Variants in SEC23B observed in about 807,000 individuals in gnomAD.
SEC23B encodes SEC23 homolog B, COPII component.
SEC23B carries 77 observed loss-of-function variants against 104.3 expected under a neutral mutation model. That is an observed-to-expected ratio of 0.74 (90% CI 0.61 to 0.89). The LOEUF (loss-of-function observed/expected upper bound fraction) is 0.89. Among genes scored for constraint, SEC23B ranks in the 40% least tolerant of loss-of-function variants. The pLI, the probability that SEC23B is intolerant of heterozygous loss-of-function variation, is 0.00. For missense variants in SEC23B, 885 were observed against 949.4 expected, an observed-to-expected ratio of 0.93 and a Z score of 0.89; for synonymous variants, 338 against 332.5, an observed-to-expected ratio of 1.02 and a Z score of -0.18.
intron 16 of SEC23B, among the ~76,000 whole-genome samples, chr20:18,549,342 T>C (rs1466840914): frequency 6.6e-6 from 1 of 152,146 alleles, no homozygotes; most frequent in African/African-American, 2.4e-5. Context: ...ATCTCTAGAT[T>C]AGTTATAATA....
chr20:18,542,015 G>GTAAA (rs2060291682), intron 12 of SEC23B, among the ~76,000 whole-genome samples: 6 of 152,040 alleles, frequency 3.9e-5, no homozygotes, highest in Non-Finnish European at 8.8e-5. Context: ...TCTTCGTTTT[G>GTAAA]CTGCATTTCA....
intron 4 of SEC23B, among the ~76,000 whole-genome samples, chr20:18,518,007 A>C (rs962516373): frequency 1.3e-5 from 2 of 152,126 alleles, no homozygotes; most frequent in Non-Finnish European, 2.9e-5. Flanking sequence ...GTTAAGTTGG[A>C]GGCTGAGCTT....
chr20:18,540,582 A>G (rs148210896), intron 12 of SEC23B, among the ~76,000 whole-genome samples: 115 of 152,292 alleles, frequency 7.6e-4, no homozygotes, highest in South Asian at 1.9e-3. Flanking sequence ...ATGCCCAGGT[A>G]TGGTGGCTCA....
Position 18,527,575 on chromosome 20 carries a change from G to C in SEC23B, c.1073G>C (p.Gly358Ala), listed in dbSNP as rs779578318. 1.2e-5 allele frequency: 19 copies of C among 1,612,494 alleles called. No homozygotes were observed. Among genetic ancestry groups the C allele is most frequent in the Middle Eastern group, 1.6e-4 (1 of 6,062 alleles). ...TATGCTTGTGCCCTTGATCAAACTG[G>C]ACTTTTGGAGATGAAGTGTTGTGCA... ...DIYACALDQT[G>A]LLEMKCCANL... is the part of the protein sequence containing the mutation. The change falls in exon 9 of 20, where the codon GGA becomes GCA. Residue 358 changes from glycine to alanine, a missense_variant. Coordinates refer to ENST00000650089, the MANE Select transcript of SEC23B (RefSeq NM_006363.6).
Position 18,561,268 on chromosome 20 carries a change from A to G in SEC23B, c.*528A>G, listed in dbSNP as rs184922627. ...CTAAAGAGCTCATAACAAATAAGTT[A>G]CCTCCACTCTATAAACTCAGACCTA... On this transcript the variant is annotated 3_prime_UTR_variant, in exon 20 of 20. Transcript: ENST00000650089. 1.3e-5 allele frequency: 2 copies of G among 156,058 alleles called. No individual in the cohort carries two copies. Among genetic ancestry groups the G allele is most frequent in the Non-Finnish European group, 2.8e-5 (2 of 70,456 alleles). 9.7% of individuals were successfully genotyped at this position (156,058 alleles called of 1,614,324 possible).
intron 9 of SEC23B, among the ~76,000 whole-genome samples, chr20:18,529,131 G>A (rs1371598095): frequency 1.3e-5 from 2 of 152,242 alleles, no homozygotes; most frequent in Non-Finnish European, 2.9e-5. Flanking sequence ...AGGAATGATT[G>A]AAGTAGCTGG....
chr20:18,522,292 T>C (rs1437231247), intron 4 of SEC23B, among the ~76,000 whole-genome samples: 4 of 152,162 alleles, frequency 2.6e-5, no homozygotes, highest in Non-Finnish European at 5.9e-5. Context: ...GCCAATGGAA[T>C]GTGGGTGAAT....
intron 15 of SEC23B, among the ~76,000 whole-genome samples, chr20:18,548,253 A>G (rs1370350560): frequency 1.0e-5 from 1 of 100,088 alleles, no homozygotes; most frequent in African/African-American, 3.0e-5. Context: ...GCCTGGCCAA[A>G]GGCCCTTTAA....
rs941037719 is a variant in SEC23B, at chr20:18,560,554, A to C, written c.2215-97A>C. ...GGGAGTACTCGTAGCAGAGGGGACA[A>C]CACCTGTGAATGTTCTGAGGGAAGG... On this transcript the variant is annotated intron_variant, in intron 19 of 19. Transcript: ENST00000650089. 1.8e-5 allele frequency: 17 copies of C among 919,520 alleles called. No individual in the cohort carries two copies. In the Admixed American group the frequency reaches 3.0e-4, roughly 16 times the overall value. The allele number at this position is 919,520 out of a possible 1,614,324, so 57.0% of individuals were successfully genotyped here.
chr20:18,560,617 T>TA (rs1297042494), intron 19 of SEC23B, 34 bp from the exon 20 acceptor site: 1 of 1,531,922 alleles, frequency 6.5e-7, no homozygotes, highest in Non-Finnish European at 9.0e-7. Context: ...GCTTCTAAGA[T>TA]ATCTGCCAAC....
chr20:18,559,670 T>G (rs893776024), intron 19 of SEC23B, among the ~76,000 whole-genome samples: 1 of 152,120 alleles, frequency 6.6e-6, no homozygotes, highest in Non-Finnish European at 1.5e-5. Context: ...GTGGGTGTTT[T>G]TTGTTGTTTT....
In SEC23B at chr20:18,546,017, T is replaced by G. The variant is rs774021325; in HGVS notation, c.1727T>G (p.Phe576Cys). 1.9e-6 allele frequency: 3 copies of G among 1,551,184 alleles called. No homozygotes were observed. Among genetic ancestry groups the G allele is most frequent in the South Asian group, 2.2e-5 (2 of 89,774 alleles). ...ACTTCTTTTAGGTTATCAGATTCCT[T>G]TTCTCTATATCCTCAGGTAAGTAAT... is the stretch of plus-strand genomic sequence containing the variant. The part of the protein sequence containing the change: ...DPTSFRLSDS[F>C]SLYPQFMFHL... The change falls in exon 15 of 20, where the codon TTT (phenylalanine) becomes TGT (cysteine). Residue 576 changes from phenylalanine to cysteine, a missense_variant. Physicochemically the swap from Phe to Cys is radical, Grantham distance 205. Coordinates refer to ENST00000650089, the MANE Select transcript of SEC23B (RefSeq NM_006363.6).
chr20:18,533,277 G>A (rs1235069369), intron 11 of SEC23B, among the ~76,000 whole-genome samples: 1 of 152,208 alleles, frequency 6.6e-6, no homozygotes, highest in Non-Finnish European at 1.5e-5. Flanking sequence ...CATTTGAGAT[G>A]AGCGGCTTTG....
intron 4 of SEC23B, among the ~76,000 whole-genome samples, chr20:18,517,122 T>TA (rs1218768493): frequency 6.6e-6 from 1 of 152,336 alleles, no homozygotes; most frequent in East Asian, 1.9e-4. Flanking sequence ...CGGAAATAAT[T>TA]ATCTCATGTG....
At chr20:18,555,024 G>A (rs955200668) in intron 18 of SEC23B, 84 bp from the exon 19 acceptor site, 29 of 1,288,806 alleles carry the variant, frequency 2.3e-5, no homozygotes, top group Non-Finnish European at 3.0e-5. Flanking sequence ...AACAAATGTT[G>A]TAAAAACTTA....
intron 19 of SEC23B, among the ~76,000 whole-genome samples, chr20:18,559,083 G>T (rs568128676): frequency 1.3e-5 from 2 of 151,352 alleles, no homozygotes; most frequent in African/African-American, 2.4e-5. Context: ...TGGTTGGTGG[G>T]GGGGGTGTCG....
chr20:18,540,018 A>G (rs976493629), intron 12 of SEC23B, among the ~76,000 whole-genome samples: 1 of 17,206 alleles, frequency 5.8e-5, no homozygotes, highest in Non-Finnish European at 1.2e-4. Flanking sequence ...TGAAGTCTCA[A>G]ACCCCTCAAA....
At chr20:18,521,864 A>ACGT (rs2060086972) in intron 4 of SEC23B, among the ~76,000 whole-genome samples, 1 of 152,150 alleles carries the variant, frequency 6.6e-6, no homozygotes, top group Admixed American at 6.6e-5. Flanking sequence ...GAATGCCTGG[A>ACGT]CGTCAGGCAC....
chr20:18,513,880 C>A (rs748581828), intron 3 of SEC23B, among the ~76,000 whole-genome samples: 1 of 152,176 alleles, frequency 6.6e-6, no homozygotes, highest in Non-Finnish European at 1.5e-5. Context: ...TCAGATCTAC[C>A]ACTTATTTCC....
Sources: allele counts gnomAD v4.1 joint callset (sites outside exome capture counted in the v4.1 genomes callset), GRCh38; gene constraint gnomAD v4.1.1; transcripts MANE v1.5; gene names NCBI Gene and HGNC (gene_info 2026-07-23, HGNC 2026-07-21).